LPP: variants seen among roughly 807,000 people sequenced by gnomAD.
LPP encodes LIM domain containing preferred translocation partner in lipoma.
Under a neutral mutation model 60.4 loss-of-function variants are expected in LPP, and 38 were observed. The observed-to-expected ratio is 0.63, with a 90% confidence interval of 0.49 to 0.83. The LOEUF (loss-of-function observed/expected upper bound fraction) is 0.83, where lower values mean the gene tolerates loss of function less well. Ranked by LOEUF, LPP falls within the 40% of genes least tolerant of loss-of-function variation. The pLI, the probability that LPP is intolerant of heterozygous loss-of-function variation, is 0.00. For missense variants in LPP, 902 were observed against 783.6 expected (o/e 1.15, Z -1.80); for synonymous variants, 328 against 290.8 (o/e 1.13, Z -1.30).
At chr3:188,203,411 T>A (rs1731737255) in intron 1 of LPP, among the ~76,000 whole-genome samples, 1 of 52,224 alleles carries the variant, frequency 1.9e-5, no homozygotes, top group South Asian at 8.3e-4. Context: ...TTTTTATAAA[T>A]ATATATATAA....
intron 2 of LPP, among the ~76,000 whole-genome samples, chr3:188,234,278 C>T (rs1455376123): frequency 6.6e-6 from 1 of 152,034 alleles, no homozygotes; most frequent in Non-Finnish European, 1.5e-5. Flanking sequence ...AGTCATGGCT[C>T]ATCTTTGTGG....
chr3:188,345,133 A>G (rs1763985498), intron 3 of LPP, among the ~76,000 whole-genome samples: 1 of 152,214 alleles, frequency 6.6e-6, no homozygotes, highest in African/African-American at 2.4e-5. Context: ...TTCTGACTAC[A>G]TAGTTGTATC....
intron 6 of LPP, among the ~76,000 whole-genome samples, chr3:188,607,942 G>A (rs540336881): frequency 1.3e-5 from 2 of 151,970 alleles, no homozygotes; most frequent in South Asian, 4.2e-4. Context: ...TTTTTATGTG[G>A]TATTTTTCCA....
chr3:188,302,952 G>T (rs1353470486), intron 2 of LPP, among the ~76,000 whole-genome samples: 1 of 152,160 alleles, frequency 6.6e-6, no homozygotes, highest in African/African-American at 2.4e-5. Flanking sequence ...GGAGATGGGG[G>T]TGGATAAAAG....
chr3:188,371,764 C>A (rs1168777134), intron 3 of LPP, among the ~76,000 whole-genome samples: 1 of 145,236 alleles, frequency 6.9e-6, no homozygotes, highest in Non-Finnish European at 1.5e-5. Context: ...AAACGATTCT[C>A]CTGCCTCAGC....
intron 7 of LPP, among the ~76,000 whole-genome samples, chr3:188,684,237 C>T (rs60008147): frequency 0.086 from 13,077 of 152,126 alleles, 955 homozygotes; most frequent in African/African-American, 0.2. Context: ...AGTTTTATCA[C>T]GGACACATCA....
chr3:188,436,491 G>T (rs116463716), intron 4 of LPP, among the ~76,000 whole-genome samples: 1 of 152,008 alleles, frequency 6.6e-6, no homozygotes, highest in South Asian at 2.1e-4. Context: ...TTTGCATTTC[G>T]TGAACAACTC....
rs564263272 is a variant in LPP, at chr3:188,600,042, C to G, written c.430-9119C>G. On this transcript the variant is annotated intron_variant, in intron 6 of 11. Transcript: ENST00000617246. ...ACAAAATTTTCTCTTAACTGCCTCACCTAGTGTAAAACTGTAACCTTTTAA... is the reference window on the plus strand; with the variant it reads ...ACAAAATTTTCTCTTAACTGCCTCAGCTAGTGTAAAACTGTAACCTTTTAA... 2.6e-5 allele frequency among the ~76,000 whole-genome samples: 4 copies of G among 151,760 alleles called. No individual in the cohort carries two copies. The South Asian group carries it at 8.3e-4, about 31-fold the overall frequency.
At chr3:188,640,409 C>T (rs932290817) in intron 7 of LPP, among the ~76,000 whole-genome samples, 2 of 146,784 alleles carry the variant, frequency 1.4e-5, no homozygotes, top group African/African-American at 5.0e-5. Flanking sequence ...GGGAGATATA[C>T]CTAATGCTAG....
chr3:188,789,222 A>G (rs1200027097), intron 9 of LPP, among the ~76,000 whole-genome samples: 1 of 152,202 alleles, frequency 6.6e-6, no homozygotes, highest in Non-Finnish European at 1.5e-5. Context: ...GCACTGGGAA[A>G]CCAAAAAAAT....
intron 6 of LPP, among the ~76,000 whole-genome samples, chr3:188,545,110 C>G (rs556514836): frequency 0.037 from 3,326 of 91,086 alleles, 263 homozygotes; most frequent in African/African-American, 0.15. Flanking sequence ...GTGGTGGGGT[C>G]GGGGGAGGGG....
intron 1 of LPP, among the ~76,000 whole-genome samples, chr3:188,157,194 T>A (rs573967650): frequency 6.6e-6 from 1 of 152,188 alleles, no homozygotes; most frequent in East Asian, 1.9e-4. Context: ...TAAAACACTT[T>A]CCAATCAGAT....
At chr3:188,342,672 AC>A (rs1007106419) in intron 3 of LPP, among the ~76,000 whole-genome samples, 2 of 152,172 alleles carry the variant, frequency 1.3e-5, no homozygotes, top group African/African-American at 4.8e-5. Flanking sequence ...TGCAACCATG[AC>A]TTCAGTTGCA....
chr3:188,746,137 A>C (rs535333835), intron 8 of LPP, among the ~76,000 whole-genome samples: 78 of 152,052 alleles, frequency 5.1e-4, no homozygotes, highest in Non-Finnish European at 8.7e-4. Context: ...CTCAGTGTTT[A>C]CCCCTTTCAG....
chr3:188,208,685 T>A lies in LPP; in HGVS notation c.-189-16720T>A, dbSNP rs539805788. On this transcript the variant is annotated intron_variant, in intron 1 of 11. Transcript: ENST00000617246. ...TCTATTACCTCCTTTTGGCCCAGCATTTGCTTTTAGCTGAAAAGGGAGATT... is the reference window on the plus strand; with the variant it reads ...TCTATTACCTCCTTTTGGCCCAGCAATTGCTTTTAGCTGAAAAGGGAGATT... Among the ~76,000 whole-genome samples, 3 of 152,320 alleles carry A rather than the reference T, an allele frequency of 2.0e-5. No individual in the cohort carries two copies. The East Asian group carries it at 5.8e-4, about 29-fold the overall frequency.
intron 2 of LPP, among the ~76,000 whole-genome samples, chr3:188,232,913 A>G (rs1287769120): frequency 2.0e-5 from 3 of 151,828 alleles, no homozygotes; most frequent in African/African-American, 7.2e-5. Context: ...TCTATAAAGT[A>G]CCTATTGAGT....
chr3:188,869,618 C>T (rs575477369), intron 10 of LPP, among the ~76,000 whole-genome samples: 2 of 152,270 alleles, frequency 1.3e-5, no homozygotes, highest in South Asian at 2.1e-4. Context: ...CCAGTGCTTC[C>T]CAAACTTTAA....
intron 1 of LPP, among the ~76,000 whole-genome samples, chr3:188,213,693 C>G (rs1712217395): frequency 6.6e-6 from 1 of 151,976 alleles, no homozygotes; most frequent in Non-Finnish European, 1.5e-5. Flanking sequence ...TTCTTTTGTT[C>G]ATGTGAATGT....
At chr3:188,240,617 T>C (rs57576512) in intron 2 of LPP, among the ~76,000 whole-genome samples, 2,626 of 152,224 alleles carry the variant, frequency 0.017, 69 homozygotes, top group African/African-American at 0.057. Flanking sequence ...CAGCAACATA[T>C]TTGGGTAGAA....
Sources: allele counts gnomAD v4.1 joint callset (sites outside exome capture counted in the v4.1 genomes callset), GRCh38; gene constraint gnomAD v4.1.1; transcripts MANE v1.5; gene names NCBI Gene and HGNC (gene_info 2026-07-23, HGNC 2026-07-21).